The following FHL1 variants were observed in gnomAD, a reference collection of about 807,000 sequenced individuals.
FHL1 encodes four and a half LIM domains protein 1.
FHL1 carries 1 observed loss-of-function variant against 20.3 expected under a neutral mutation model. That is an observed-to-expected ratio of 0.05 (90% CI 0.02 to 0.23). The LOEUF (loss-of-function observed/expected upper bound fraction) is 0.23, where lower values mean the gene tolerates loss of function less well. FHL1 is among the 10% of genes least tolerant of loss of function. FHL1 has a pLI of 1.00. For missense variants in FHL1, 177 were observed against 234.0 expected (o/e 0.76, Z 1.59); for synonymous variants, 82 against 88.9 (o/e 0.92, Z 0.44).
upstream of FHL1, among the ~76,000 whole-genome samples, chrX:136,195,361 T>G (rs1487703899): frequency 3.6e-5 from 4 of 112,540 alleles, no homozygotes; most frequent in African/African-American, 1.3e-4. Context: ...TCAGGGTTCA[T>G]TAAGGTTAAT....
chrX:136,188,967 T>C (rs2073372734), intron 2 of FHL1, among the ~76,000 whole-genome samples: 1 of 112,032 alleles, frequency 8.9e-6, no homozygotes. Flanking sequence ...CATAATATGA[T>C]GCTAATCTGC....
At chrX:136,185,081 T>G (rs1170531985) in intron 2 of FHL1, among the ~76,000 whole-genome samples, 1 of 112,457 alleles carries the variant, frequency 8.9e-6, no homozygotes, top group African/African-American at 3.2e-5. Context: ...TAAAATCAAT[T>G]TAAAATTCTA....
chrX:136,169,833 T>C, intron 1 of FHL1: 1 of 331,335 alleles, frequency 3.0e-6, no homozygotes, highest in Non-Finnish European at 5.9e-6. Context: ...TTGACTTTAT[T>C]TTTTTAGAAT....
intron 1 of FHL1, among the ~76,000 whole-genome samples, chrX:136,204,292 A>G (rs1453852080): frequency 3.5e-5 from 4 of 112,750 alleles, no homozygotes; most frequent in Non-Finnish European, 7.5e-5. Context: ...TCAGTATGGC[A>G]AAGCTAAGAC....
At chrX:136,174,530 A>G (rs1780833579) in intron 2 of FHL1, among the ~76,000 whole-genome samples, 1 of 111,391 alleles carries the variant, frequency 9.0e-6, no homozygotes, top group Admixed American at 9.5e-5. Context: ...TCTAAAAGCA[A>G]TCCTAAGAAA....
intron 2 of FHL1, among the ~76,000 whole-genome samples, chrX:136,179,722 C>G (rs752796572): frequency 8.9e-5 from 10 of 112,143 alleles, no homozygotes; most frequent in Middle Eastern, 4.7e-3. Context: ...CTTAGGATCC[C>G]TGTTCCTCTA....
intron 2 of FHL1, among the ~76,000 whole-genome samples, chrX:136,185,715 C>G (rs1250587518): frequency 8.9e-6 from 1 of 112,268 alleles, no homozygotes; most frequent in Non-Finnish European, 1.9e-5. Flanking sequence ...AGACATCAAG[C>G]TACTCCTCTA....
At chrX:136,206,967 C>T in intron 2 of FHL1, 49 bp from the exon 3 acceptor site, 1 of 1,189,963 alleles carries the variant, frequency 8.4e-7, no homozygotes, top group Non-Finnish European at 1.1e-6. Context: ...CTCCTGCCAC[C>T]ACCCCCAGCA....
At chrX:136,173,995 GCCAGCTGCTGTTTCTTTAGCTAGAGC>G (rs1344294307) in intron 2 of FHL1, among the ~76,000 whole-genome samples, 2 of 111,980 alleles carry the variant, frequency 1.8e-5, no homozygotes, top group African/African-American at 6.5e-5. Context: ...CCCGCACCTA[GCCAGCTGCTGTTTCTTTAGCTAGAGC>G]ATGAACTCTG....
At chrX:136,147,304 G>A (rs2072118715), upstream of FHL1, 1 of 84,161 alleles carries the variant, frequency 1.2e-5, no homozygotes, top group African/African-American at 4.5e-5. Context: ...GTGGCAAGCC[G>A]CCCCTCTCCC....
Position 136,210,043 on chromosome X carries a change from T to A in FHL1, c.*18T>A. 1 of 1,211,201 alleles carries A rather than the reference T, an allele frequency of 8.3e-7. No homozygotes were observed. The highest frequency in any genetic ancestry group is 1.1e-6 in the Non-Finnish European group (1 of 895,296). On this transcript the variant is annotated 3_prime_UTR_variant, in exon 6 of 6. Coordinates refer to ENST00000370683, the MANE Select transcript of FHL1 (RefSeq NM_001159699.2). ...AGCTGTAAACTGACAGGGGCTCCTG[T>A]CCTGTAAAATGGCATTTGAATCTCG...
intron 1 of FHL1, among the ~76,000 whole-genome samples, chrX:136,198,647 T>C (rs910548941): frequency 8.9e-6 from 1 of 111,871 alleles, no homozygotes. Flanking sequence ...ATGGGCAAAA[T>C]AGAAGCTAGG....
At chrX:136,189,426 C>T (rs1228807347) in intron 2 of FHL1, among the ~76,000 whole-genome samples, 1 of 111,819 alleles carries the variant, frequency 8.9e-6, no homozygotes, top group African/African-American at 3.3e-5. Context: ...CATTCTCAGG[C>T]CCATGGTCCT....
chrX:136,179,595 C>G (rs896281716), intron 2 of FHL1, among the ~76,000 whole-genome samples: 1 of 112,013 alleles, frequency 8.9e-6, no homozygotes, highest in Non-Finnish European at 1.9e-5. Flanking sequence ...TCCTTTGTAT[C>G]ATTTATTATT....
chrX:136,206,600 C>A lies in FHL1; in HGVS notation c.204+12C>A, dbSNP rs1403702802. 4.1e-6 allele frequency: 5 copies of A among 1,211,913 alleles called. No individual in the cohort carries two copies. The highest frequency in any genetic ancestry group is 2.2e-5 in the Admixed American group (1 of 46,175). ...GTGCGGACTCCAAGGTAACGGGCAT[C>A]CCCATGTGCCAATGGGAAGGGCTGG... On this transcript the variant is annotated intron_variant, in intron 2 of 5. Coordinates refer to ENST00000370683, the MANE Select transcript of FHL1 (RefSeq NM_001159699.2).
At chrX:136,178,624 A>C (rs762698245) in intron 2 of FHL1, among the ~76,000 whole-genome samples, 28 of 111,805 alleles carry the variant, frequency 2.5e-4, no homozygotes, top group African/African-American at 8.8e-4. Flanking sequence ...CAACAACAAC[A>C]ACAACAACAA....
At chrX:136,208,415 G>C in intron 4 of FHL1, 40 bp from the exon 5 acceptor site, 1 of 1,195,024 alleles carries the variant, frequency 8.4e-7, no homozygotes, top group Non-Finnish European at 1.1e-6. Context: ...CAACAAAATG[G>C]TTGTTGAATC....
intron 1 of FHL1, among the ~76,000 whole-genome samples, chrX:136,158,014 A>G (rs2072467155): frequency 8.9e-6 from 1 of 112,247 alleles, no homozygotes; most frequent in African/African-American, 3.2e-5. Context: ...ACTTATTTGT[A>G]AAGTAAAAAT....
intron 2 of FHL1, among the ~76,000 whole-genome samples, chrX:136,180,161 T>C (rs2073117422): frequency 8.9e-6 from 1 of 112,198 alleles, no homozygotes; most frequent in East Asian, 2.8e-4. Flanking sequence ...TGGGAGTTTC[T>C]CTTTGTTTGT....
Sources: allele counts gnomAD v4.1 joint callset (sites outside exome capture counted in the v4.1 genomes callset), GRCh38; gene constraint gnomAD v4.1.1; transcripts MANE v1.5; gene names NCBI Gene and HGNC (gene_info 2026-07-23, HGNC 2026-07-21).